The following STAG1 variants were observed in gnomAD, a reference collection of about 807,000 sequenced individuals.
STAG1 encodes the protein STAG1 cohesin complex component.
A neutral mutation model predicts 170.9 loss-of-function variants in STAG1; 26 were observed. That is an observed-to-expected ratio of 0.15 (90% CI 0.11 to 0.21). STAG1 has a LOEUF of 0.21. Among genes scored for constraint, STAG1 ranks in the 10% least tolerant of loss-of-function variants. The pLI, the probability that STAG1 is intolerant of heterozygous loss-of-function variation, is 1.00. For missense variants in STAG1, 964 were observed against 1,509.5 expected, an observed-to-expected ratio of 0.64 and a Z score of 5.99; for synonymous variants, 514 against 497.7, an observed-to-expected ratio of 1.03 and a Z score of -0.44.
At chr3:136,748,216 A>G (rs969487121) in intron 1 of STAG1, among the ~76,000 whole-genome samples, 4 of 151,804 alleles carry the variant, frequency 2.6e-5, no homozygotes, top group African/African-American at 7.2e-5. Context: ...CCTGGCCAAC[A>G]AGGTGAAACA....
At chr3:136,689,879 T>C (rs1942662545) in intron 1 of STAG1, among the ~76,000 whole-genome samples, 1 of 151,508 alleles carries the variant, frequency 6.6e-6, no homozygotes, top group Admixed American at 6.6e-5. Flanking sequence ...CCATCTCTAC[T>C]AAAAATACAA....
At chr3:136,677,922 A>C (rs1453574948) in intron 1 of STAG1, among the ~76,000 whole-genome samples, 1 of 147,406 alleles carries the variant, frequency 6.8e-6, no homozygotes, top group Non-Finnish European at 1.5e-5. Context: ...TATATTTAGT[A>C]CTTTGATATA....
At chr3:136,381,966 G>T (rs531528088) in intron 22 of STAG1, among the ~76,000 whole-genome samples, 1 of 152,116 alleles carries the variant, frequency 6.6e-6, no homozygotes, top group Non-Finnish European at 1.5e-5. Flanking sequence ...CTGTTCCACT[G>T]TTAGTACCTA....
chr3:136,416,013 CTT>C (rs144024289), intron 21 of STAG1, among the ~76,000 whole-genome samples: 8 of 147,544 alleles, frequency 5.4e-5, no homozygotes, highest in Non-Finnish European at 7.5e-5. Context: ...AGCCATAAAA[CTT>C]TTTTTTTTTT....
At position 136,343,953 on chromosome 3, in the gene STAG1, G is replaced by C; in HGVS notation, c.3325C>G (p.Pro1109Ala). 1 of 1,612,252 alleles carries C rather than the reference G, an allele frequency of 6.2e-7. No homozygotes were observed. The change falls in exon 30 of 34, where the codon CCT becomes GCT. Residue 1109 changes from proline (P) to alanine (A), a missense_variant. Pro to Ala is a conservative substitution (Grantham distance 27). Around this residue, in one of 11 missense-constraint regions of STAG1, gnomAD observed 122 missense variants for 129.0 expected, o/e 0.95. Coordinates refer to ENST00000383202, the MANE Select transcript of STAG1 (RefSeq NM_005862.3). ...AGTTGTGGTGCTGGCAGGGGGCCAG[G>C]AGTCTGAATCATGGTGTCAGTCCTG... is the stretch of plus-strand genomic sequence containing the variant. ...LNRTDTMIQT[P>A]GPLPAPQLTS... is the part of the protein sequence containing the mutation.
At chr3:136,353,568 A>C (rs1936516292) in intron 28 of STAG1, among the ~76,000 whole-genome samples, 2 of 152,236 alleles carry the variant, frequency 1.3e-5, no homozygotes, top group South Asian at 4.1e-4. Flanking sequence ...TCACATGGTC[A>C]AAGTGTTGAA....
intron 4 of STAG1, among the ~76,000 whole-genome samples, chr3:136,597,791 CT>C (rs563740075): frequency 1.8e-3 from 259 of 143,412 alleles, no homozygotes; most frequent in Admixed American, 1.5e-3. Context: ...TATAGCTCTT[CT>C]TTTTTTTTTT....
chr3:136,749,763 AAAC>A (rs1421266720), intron 1 of STAG1, among the ~76,000 whole-genome samples: 1 of 151,746 alleles, frequency 6.6e-6, no homozygotes, highest in Non-Finnish European at 1.5e-5. Context: ...AAAAAAAGAA[AAAC>A]AACTCTAAGC....
intron 26 of STAG1, among the ~76,000 whole-genome samples, chr3:136,362,605 CAAA>C: frequency 2.4e-5 from 1 of 42,454 alleles, no homozygotes; most frequent in Non-Finnish European, 5.0e-5. Context: ...ATCATCTCTG[CAAA>C]AAAAAAAAAA....
At chr3:136,429,854 G>T (rs1053524210) in intron 16 of STAG1, among the ~76,000 whole-genome samples, 1 of 152,166 alleles carries the variant, frequency 6.6e-6, no homozygotes, top group East Asian at 1.9e-4. Flanking sequence ...TTAATAAATA[G>T]TAAATATATT....
Position 136,740,071 on chromosome 3 carries a change from T to C in STAG1, c.-84+12124A>G, listed in dbSNP as rs368640575. The stretch of plus-strand genomic sequence containing the variant: ...TGAACTATATCAATTATACAGTACA[T>C]TATGTAAAATTCTAAATAACAGTTT... On this transcript the variant is annotated intron_variant, in intron 1 of 33. Transcript: ENST00000383202. 5.3e-5 allele frequency among the ~76,000 whole-genome samples: 8 copies of C among 152,138 alleles called. No homozygotes were observed. The East Asian group carries it at 1.6e-3, about 29-fold the overall frequency.
chr3:136,709,118 T>C (rs1943314181), intron 1 of STAG1, among the ~76,000 whole-genome samples: 3 of 150,770 alleles, frequency 2.0e-5, no homozygotes, highest in Non-Finnish European at 4.4e-5. Context: ...GGTGAAACCC[T>C]GTCTCTGCTA....
chr3:136,574,070 A>G (rs866826374), intron 4 of STAG1, among the ~76,000 whole-genome samples: 4 of 151,838 alleles, frequency 2.6e-5, no homozygotes, highest in Admixed American at 6.6e-5. Flanking sequence ...GTGAAATCCC[A>G]TTCTACTAAA....
intron 6 of STAG1, among the ~76,000 whole-genome samples, chr3:136,540,336 C>A (rs545132026): frequency 1.3e-5 from 2 of 150,460 alleles, no homozygotes; most frequent in Admixed American, 6.6e-5. Context: ...AAAAAAAAAA[C>A]TAGAATGGTG....
intron 12 of STAG1, among the ~76,000 whole-genome samples, chr3:136,468,163 G>T (rs2089521948): frequency 6.6e-6 from 1 of 152,060 alleles, no homozygotes. Flanking sequence ...GATCAGAGCA[G>T]AACTGAAGGA....
intron 10 of STAG1, among the ~76,000 whole-genome samples, chr3:136,474,867 C>T (rs2089707196): frequency 1.3e-5 from 2 of 152,150 alleles, no homozygotes; most frequent in South Asian, 4.1e-4. Flanking sequence ...CTAGAACCAC[C>T]TAGCACATAG....
intron 1 of STAG1, among the ~76,000 whole-genome samples, chr3:136,688,551 C>A (rs866594068): frequency 2.6e-5 from 4 of 152,114 alleles, no homozygotes; most frequent in Admixed American, 6.6e-5. Flanking sequence ...GTCACCGCGC[C>A]CAGCTAATTT....
intron 24 of STAG1, among the ~76,000 whole-genome samples, chr3:136,367,383 C>T (rs953206744): frequency 6.6e-6 from 1 of 151,786 alleles, no homozygotes; most frequent in African/African-American, 2.4e-5. Flanking sequence ...ATGCAGAACC[C>T]ACAGATAGGG....
chr3:136,655,535 G>A lies in STAG1; in HGVS notation c.-83-24554C>T, dbSNP rs568775028. ...TCCCAGCACTTTGGAGGCCAAGGCA[G>A]GTGGATCAGCTGAGGTCAGGAGTTC... On this transcript the variant is annotated intron_variant, in intron 1 of 33. Transcript: ENST00000383202. 1.2e-3 allele frequency among the ~76,000 whole-genome samples: 189 copies of A among 152,334 alleles called. 1 individual carries two copies. The highest frequency in any genetic ancestry group is 0.01 in the Middle Eastern group (3 of 292).
Sources: allele counts gnomAD v4.1 joint callset (sites outside exome capture counted in the v4.1 genomes callset), GRCh38; gene constraint gnomAD v4.1.1; regional missense constraint gnomAD v4.1.1; transcripts MANE v1.5; gene names NCBI Gene and HGNC (gene_info 2026-07-23, HGNC 2026-07-21).